CRPPA: variants seen among roughly 807,000 people sequenced by gnomAD.
The protein encoded by CRPPA is CDP-L-ribitol pyrophosphorylase A, also known as D-ribitol-5-phosphate cytidylyltransferase.
Under a neutral mutation model 52.0 loss-of-function variants are expected in CRPPA, and 43 were observed. The ratio of observed to expected loss-of-function variants is 0.83; its 90% confidence interval spans 0.65 to 1.07. The LOEUF (loss-of-function observed/expected upper bound fraction) is 1.07, where lower values mean the gene tolerates loss of function less well. Among genes scored for constraint, CRPPA ranks in the 50% least tolerant of loss-of-function variants. CRPPA has a pLI of 0.00. For synonymous variants in CRPPA, 250 were observed against 203.5 expected, an observed-to-expected ratio of 1.23 and a Z score of -1.94; for missense variants, 629 against 551.7, an observed-to-expected ratio of 1.14 and a Z score of -1.40.
At chr7:16,384,948 A>C (rs2128313727) in intron 2 of CRPPA, among the ~76,000 whole-genome samples, 1 of 152,372 alleles carries the variant, frequency 6.6e-6, no homozygotes, top group African/African-American at 2.4e-5. Flanking sequence ...CACTTAAAGC[A>C]GTAAGGCAAG....
chr7:16,407,711 A>G (rs918354636), intron 1 of CRPPA, among the ~76,000 whole-genome samples: 2 of 152,194 alleles, frequency 1.3e-5, no homozygotes, highest in Non-Finnish European at 1.5e-5. Flanking sequence ...GCCTGTAGCT[A>G]AAAGAAGACT....
chr7:16,363,635 G>A (rs1415486598), intron 3 of CRPPA, among the ~76,000 whole-genome samples: 1 of 152,106 alleles, frequency 6.6e-6, no homozygotes, highest in East Asian at 1.9e-4. Context: ...AAGAAAACCT[G>A]CATCAAGCAT....
intron 3 of CRPPA, among the ~76,000 whole-genome samples, chr7:16,344,074 C>A (rs1256000889): frequency 1.3e-5 from 2 of 152,048 alleles, no homozygotes; most frequent in Non-Finnish European, 2.9e-5. Context: ...TGTTAAACAG[C>A]AACAACAAAA....
chr7:16,307,344 T>C (rs1481219718), intron 4 of CRPPA, among the ~76,000 whole-genome samples: 2 of 152,132 alleles, frequency 1.3e-5, no homozygotes, highest in African/African-American at 2.4e-5. Context: ...AGCTGCAGTA[T>C]GATAGTGCCA....
intron 8 of CRPPA, among the ~76,000 whole-genome samples, chr7:16,243,150 G>A (rs937456760): frequency 2.0e-5 from 3 of 152,148 alleles, no homozygotes; most frequent in African/African-American, 4.8e-5. Flanking sequence ...TCTCGTGATA[G>A]TGAGTTCTCC....
intron 9 of CRPPA, among the ~76,000 whole-genome samples, chr7:16,158,114 G>A (rs1459761548): frequency 6.7e-6 from 1 of 148,604 alleles, no homozygotes; most frequent in Non-Finnish European, 1.5e-5. Context: ...TTGATCTCCT[G>A]ACCTCGTGAT....
At chr7:16,295,101 G>A (rs1209457928) in intron 5 of CRPPA, among the ~76,000 whole-genome samples, 1 of 152,054 alleles carries the variant, frequency 6.6e-6, no homozygotes, top group Non-Finnish European at 1.5e-5. Flanking sequence ...CCAATTAAAA[G>A]TATATTTAGC....
chr7:16,092,377 G>C (rs899280516), intron 9 of CRPPA, among the ~76,000 whole-genome samples: 4 of 152,126 alleles, frequency 2.6e-5, no homozygotes, highest in African/African-American at 7.2e-5. Flanking sequence ...AATAGAAACA[G>C]AGCTAATATC....
chr7:16,261,952 T>C (rs1783820573), intron 6 of CRPPA: 1 of 152,090 alleles, frequency 6.6e-6, no homozygotes, highest in South Asian at 2.1e-4. Flanking sequence ...TCCCCTCGGA[T>C]GTTTGTAGAT....
At chr7:16,113,231 A>C (rs1782302678) in intron 9 of CRPPA, among the ~76,000 whole-genome samples, 2 of 152,066 alleles carry the variant, frequency 1.3e-5, no homozygotes, top group South Asian at 4.1e-4. Flanking sequence ...ATTCAGTTGC[A>C]GAGAGAATTA....
In CRPPA at chr7:16,390,628, T is replaced by C. The variant is rs183116429; in HGVS notation, c.535-14387A>G. On this transcript the variant is annotated intron_variant, in intron 2 of 9. Transcript: ENST00000407010. ...AAAGTATTCCAGAGCTGCATCCTCA[T>C]ACTTCTCTATTGTTAAATGGGAAAA... 1.6e-4 allele frequency among the ~76,000 whole-genome samples: 25 copies of C among 152,340 alleles called. No individual in the cohort carries two copies. In the East Asian group the frequency reaches 4.8e-3, roughly 29 times the overall value.
At chr7:16,291,549 G>C (rs1028540116) in intron 5 of CRPPA, among the ~76,000 whole-genome samples, 2 of 151,898 alleles carry the variant, frequency 1.3e-5, no homozygotes, top group Non-Finnish European at 2.9e-5. Context: ...ATTTCTTAAA[G>C]ATAAAGAAGA....
intron 2 of CRPPA, among the ~76,000 whole-genome samples, chr7:16,392,189 GC>G (rs1787463192): frequency 6.6e-6 from 1 of 152,020 alleles, no homozygotes; most frequent in South Asian, 2.1e-4. Flanking sequence ...TATGAGGAAA[GC>G]CCCCACATGT....
intron 9 of CRPPA, among the ~76,000 whole-genome samples, chr7:16,125,257 C>CAAAAAAAAAA: frequency 1.5e-5 from 1 of 67,722 alleles, no homozygotes; most frequent in Non-Finnish European, 2.8e-5. Flanking sequence ...GAGACTGTCT[C>CAAAAAAAAAA]AAAAAAAAAA....
At chr7:16,180,074 T>G (rs1295703987) in intron 9 of CRPPA, among the ~76,000 whole-genome samples, 1 of 152,110 alleles carries the variant, frequency 6.6e-6, no homozygotes, top group Non-Finnish European at 1.5e-5. Flanking sequence ...AAAATTTTAT[T>G]TCAGTGGTAT....
chr7:16,323,597 G>C (rs1341875917), intron 3 of CRPPA, among the ~76,000 whole-genome samples: 3 of 152,166 alleles, frequency 2.0e-5, no homozygotes, highest in African/African-American at 7.2e-5. Context: ...GAGAACCTCA[G>C]CTAATCCACA....
chr7:16,357,434 C>A (rs1230501932), intron 3 of CRPPA, among the ~76,000 whole-genome samples: 1 of 152,150 alleles, frequency 6.6e-6, no homozygotes, highest in Non-Finnish European at 1.5e-5. Flanking sequence ...CCCTTCTTGG[C>A]CTCCCAAAGT....
At chr7:16,324,519 C>A (rs905408371) in intron 3 of CRPPA, among the ~76,000 whole-genome samples, 1 of 152,240 alleles carries the variant, frequency 6.6e-6, no homozygotes, top group African/African-American at 2.4e-5. Flanking sequence ...TCACACCTGA[C>A]TTTGGGCACT....
At chr7:16,192,076 G>A (rs935742920) in intron 9 of CRPPA, among the ~76,000 whole-genome samples, 3 of 152,068 alleles carry the variant, frequency 2.0e-5, no homozygotes, top group Non-Finnish European at 4.4e-5. Context: ...AGTCTTCCCT[G>A]CTCAGCTCAG....
Sources: gnomAD v4.1 joint callset for allele counts (sites outside exome capture counted in the v4.1 genomes callset) on GRCh38, gnomAD v4.1.1 for gene constraint, MANE v1.5 for transcripts, NCBI Gene and HGNC (gene_info 2026-07-23, HGNC 2026-07-21) for gene names.